The following CSNK1A1 variants were observed in gnomAD, a reference collection of about 807,000 sequenced individuals.
CSNK1A1 encodes the protein casein kinase 1 alpha 1, also known as casein kinase I isoform alpha.
CSNK1A1 carries 7 observed loss-of-function variants against 46.1 expected under a neutral mutation model. The observed-to-expected ratio is 0.15, with a 90% CI of 0.09 to 0.29. The LOEUF is 0.29. Ranked by LOEUF, CSNK1A1 falls within the 10% of genes least tolerant of loss-of-function variation. The pLI is 1.00. For synonymous variants in CSNK1A1, 137 were observed against 141.5 expected (o/e 0.97, Z 0.23); for missense variants, 96 against 417.1 (o/e 0.23, Z 6.71).
At chr5:149,549,422 ACT>A (rs1348424593) in intron 2 of CSNK1A1, 5 of 700,990 alleles carry the variant, frequency 7.1e-6, no homozygotes, top group Admixed American at 2.0e-5. Context: ...GATCACAAAC[ACT>A]GTCACTATGC....
intron 9 of CSNK1A1, chr5:149,499,178 C>G: frequency 1.0e-6 from 1 of 985,156 alleles, no homozygotes; most frequent in Non-Finnish European, 1.2e-6. Flanking sequence ...TTCCCCAATA[C>G]GCATTGGTCT....
Position 149,543,461 on chromosome 5 carries a change from C to T in CSNK1A1, c.230+6614G>A, listed in dbSNP as rs149201909. Among the ~76,000 whole-genome samples the T allele has an allele frequency of 4.0e-5, 6 of 151,886 alleles. No homozygotes were observed. The East Asian group carries it at 1.2e-3, about 29-fold the overall frequency. The stretch of plus-strand genomic sequence containing the variant: ...CCTTCAAGTTAAAAAGCACATTTCT[C>T]GTGATCTGTGACGTACGTTTTTCTG... On this transcript the variant is annotated intron_variant, in intron 2 of 9. Transcript: ENST00000377843.
In CSNK1A1 at chr5:149,509,055, G is replaced by A. The variant is rs141216045; in HGVS notation, c.750+824C>T. Among the ~76,000 whole-genome samples the A allele has an allele frequency of 9.9e-3, 1,501 of 152,096 alleles. 23 individuals are homozygous for A. The highest frequency in any genetic ancestry group is 0.034 in the African/African-American group (1,403 of 41,506). Reference sequence around the variant, plus strand: ...CATCCTGCCCCAGCATCCCCAAGAAGCTGAGATTACAGGCATGCGTCACCA... The same window carrying A: ...CATCCTGCCCCAGCATCCCCAAGAAACTGAGATTACAGGCATGCGTCACCA... On this transcript the variant is annotated intron_variant, in intron 7 of 9. Transcript: ENST00000377843.
At chr5:149,549,621 A>G in intron 2 of CSNK1A1, 1 of 663,450 alleles carries the variant, frequency 1.5e-6, no homozygotes, top group Non-Finnish European at 2.8e-6. Flanking sequence ...GAGGAGGAAG[A>G]CATGTTGGAA....
At chr5:149,519,151 T>C (rs1287669142) in intron 4 of CSNK1A1, among the ~76,000 whole-genome samples, 2 of 152,028 alleles carry the variant, frequency 1.3e-5, no homozygotes. Flanking sequence ...TATTTAAAGC[T>C]CAACAAAAAA....
At chr5:149,529,853 C>G (rs1761835704) in intron 2 of CSNK1A1, 1 of 396,808 alleles carries the variant, frequency 2.5e-6, no homozygotes, top group South Asian at 1.8e-5. Context: ...GACATGGTTA[C>G]CAATTAGGAA....
At chr5:149,520,411 A>T (rs1761532187) in intron 3 of CSNK1A1, 23 bp from the exon 4 acceptor site, 2 of 1,337,232 alleles carry the variant, frequency 1.5e-6, no homozygotes, top group South Asian at 1.2e-5. Flanking sequence ...GAAGGGAGAG[A>T]TAATTGAGTT....
intron 2 of CSNK1A1, among the ~76,000 whole-genome samples, chr5:149,543,482 TTC>T (rs1311996761): frequency 7.9e-5 from 12 of 152,154 alleles, no homozygotes; most frequent in Admixed American, 7.2e-4. Context: ...ACGTACGTTT[TTC>T]TGGTTTTTTT....
At chr5:149,528,394 T>C (rs1761786506) in intron 2 of CSNK1A1, among the ~76,000 whole-genome samples, 2 of 152,212 alleles carry the variant, frequency 1.3e-5, no homozygotes, top group African/African-American at 2.4e-5. Context: ...GGAGTTTACA[T>C]CTTTCACACT....
At chr5:149,514,244 A>G (rs1761329255) in intron 4 of CSNK1A1, among the ~76,000 whole-genome samples, 1 of 152,212 alleles carries the variant, frequency 6.6e-6, no homozygotes, top group Non-Finnish European at 1.5e-5. Flanking sequence ...TCTATATGGT[A>G]CTCAGGGAAT....
Position 149,551,367 on chromosome 5 carries a change from A to T in CSNK1A1, c.-403T>A. 1 of 175,252 alleles carries T rather than the reference A, an allele frequency of 5.7e-6. No homozygotes were observed. Among genetic ancestry groups the T allele is most frequent in the Non-Finnish European group, 1.2e-5 (1 of 81,858 alleles). 10.9% of individuals were successfully genotyped at this position (175,252 alleles called of 1,614,324 possible). A position where few individuals can be genotyped will look rare whatever the true frequency, so the allele number is the denominator to read the frequency against. On this transcript the variant is annotated 5_prime_UTR_variant, in exon 1 of 10. Coordinates refer to ENST00000377843, the MANE Select transcript of CSNK1A1 (RefSeq NM_001892.6). ...ACTCCGCGGACGACGCCATCTTGTT[A>T]CTCCAGCTCCAGCCAACACAAAATG...
At position 149,551,058 on chromosome 5, in the gene CSNK1A1, A is replaced by C. The variant is rs1422467739; in HGVS notation, c.-94T>G. ...GCTCCTACACTAGGCAAGGCTACGG[A>C]GGAGGGCGGCAGGAAACGGAACACG... On this transcript the variant is annotated 5_prime_UTR_variant, in exon 1 of 10. Transcript: ENST00000377843. 7.0e-7 allele frequency: 1 copy of C among 1,438,008 alleles called. No homozygotes were observed. Among genetic ancestry groups the C allele is most frequent in the African/African-American group, 1.4e-5 (1 of 70,560 alleles). 89.1% of individuals were successfully genotyped at this position (1,438,008 alleles called of 1,614,324 possible).
rs1387916764 is a variant in CSNK1A1, at chr5:149,502,082, G to T, written c.1006+3365C>A. On this transcript the variant is annotated intron_variant, in intron 9 of 9. Transcript: ENST00000377843. The stretch of plus-strand genomic sequence containing the variant: ...CAGAAGTCTGCCTATTATTTAATAG[G>T]CCCACATTAGCTAGATAAGCCAGAC... The T allele has an allele frequency of 9.1e-6, 9 of 983,670 alleles. No individual in the cohort carries two copies. The South Asian group carries it at 3.8e-4, about 41-fold the overall frequency. 60.9% of individuals were successfully genotyped at this position (983,670 alleles called of 1,614,324 possible).
At position 149,494,949 on chromosome 5, in the gene CSNK1A1, T is replaced by C. The variant is rs543623063; in HGVS notation, c.*1904A>G. 4 of 152,346 alleles carry C rather than the reference T, an allele frequency of 2.6e-5. No homozygotes were observed. Among genetic ancestry groups the C allele is most frequent in the African/African-American group, 9.6e-5 (4 of 41,584 alleles). 9.4% of individuals were successfully genotyped at this position (152,346 alleles called of 1,614,324 possible). A position where few individuals can be genotyped will look rare whatever the true frequency, so the allele number is the denominator to read the frequency against. On this transcript the variant is annotated 3_prime_UTR_variant, in exon 10 of 10. Transcript: ENST00000377843. ...TAGAGGGAGTTCAGCTTGGAAGTTA[T>C]TACCAAAGCTAAACATTTTTATTTT...
At chr5:149,541,435 G>A (rs1762227575) in intron 2 of CSNK1A1, among the ~76,000 whole-genome samples, 1 of 151,840 alleles carries the variant, frequency 6.6e-6, no homozygotes, top group Admixed American at 6.6e-5. Context: ...TTACAGGTGT[G>A]GCATGAGCTA....
chr5:149,549,295 C>A, intron 2 of CSNK1A1: 1 of 576,190 alleles, frequency 1.7e-6, no homozygotes. Flanking sequence ...TTAGTCCCGA[C>A]TGAAACGTGC....
rs563773292 is a variant in CSNK1A1, at chr5:149,551,017, G to A, written c.-53C>T. The A allele has an allele frequency of 6.2e-7, 1 of 1,608,640 alleles. No homozygotes were observed. The highest frequency in any genetic ancestry group is 1.7e-5 in the Admixed American group (1 of 59,750). Reference sequence around the variant, plus strand: ...CCAAGCCCCGACACCTCTGGGAAGAGGACGGAGGCCTCGGGGCTCCTACAC... The same window carrying A: ...CCAAGCCCCGACACCTCTGGGAAGAAGACGGAGGCCTCGGGGCTCCTACAC... On this transcript the variant is annotated 5_prime_UTR_variant, in exon 1 of 10. Transcript: ENST00000377843.
At chr5:149,500,764 G>A (rs1024374459) in intron 9 of CSNK1A1, among the ~76,000 whole-genome samples, 11 of 151,348 alleles carry the variant, frequency 7.3e-5, no homozygotes, top group Non-Finnish European at 1.3e-4. Context: ...AATTAAGCTT[G>A]GAGAATTTTA....
chr5:149,511,762 G>A, intron 6 of CSNK1A1, 32 bp downstream of exon 6: 2 of 1,427,174 alleles, frequency 1.4e-6, no homozygotes, highest in Non-Finnish European at 1.9e-6. Flanking sequence ...AAAAAAGAGA[G>A]AGAAAAATCT....
Sources: gnomAD v4.1 joint callset for allele counts (sites outside exome capture counted in the v4.1 genomes callset) on GRCh38, gnomAD v4.1.1 for gene constraint, MANE v1.5 for transcripts, NCBI Gene and HGNC (gene_info 2026-07-23, HGNC 2026-07-21) for gene names.